SUPT3H: variants seen among roughly 807,000 people sequenced by gnomAD.
SUPT3H encodes the protein SPT3 homolog, SAGA and STAGA complex component.
In SUPT3H, 44 loss-of-function variants were observed where a neutral mutation model predicts 44.3. That is an observed-to-expected ratio of 0.99 (90% CI 0.78 to 1.28). The LOEUF (loss-of-function observed/expected upper bound fraction) is 1.28. SUPT3H is among the 50% of genes most tolerant of loss of function. SUPT3H has a pLI of 0.00. For synonymous variants in SUPT3H, 124 were observed against 125.6 expected, an observed-to-expected ratio of 0.99 and a Z score of 0.09; for missense variants, 380 against 387.1, an observed-to-expected ratio of 0.98 and a Z score of 0.15.
At chr6:45,296,158 TATAC>T (rs1188854224) in intron 2 of SUPT3H, among the ~76,000 whole-genome samples, 4 of 143,540 alleles carry the variant, frequency 2.8e-5, no homozygotes, top group Admixed American at 7.0e-5. Flanking sequence ...CATACACACA[TATAC>T]ATACATATAT....
intron 2 of SUPT3H, among the ~76,000 whole-genome samples, chr6:45,332,016 A>G (rs1787616042): frequency 6.6e-6 from 1 of 151,922 alleles, no homozygotes; most frequent in African/African-American, 2.4e-5. Flanking sequence ...TATCAAACAC[A>G]CAGAATTAAT....
chr6:44,932,403 C>CTA (rs1770723634), intron 10 of SUPT3H, among the ~76,000 whole-genome samples: 1 of 151,984 alleles, frequency 6.6e-6, no homozygotes, highest in Non-Finnish European at 1.5e-5. Flanking sequence ...AAAATAGAAA[C>CTA]TATAAACCTC....
chr6:44,939,001 T>C (rs939599582), intron 9 of SUPT3H, among the ~76,000 whole-genome samples: 2 of 152,220 alleles, frequency 1.3e-5, no homozygotes, highest in Admixed American at 1.3e-4. Context: ...TATAAGATCA[T>C]ATAATCAGCA....
chr6:45,127,614 C>T (rs1205734510), intron 2 of SUPT3H, among the ~76,000 whole-genome samples: 2 of 151,636 alleles, frequency 1.3e-5, no homozygotes, highest in South Asian at 4.2e-4. Context: ...ATGTTTTTTT[C>T]TTCATGTAGC....
At chr6:45,288,543 G>A (rs1395319547) in intron 2 of SUPT3H, among the ~76,000 whole-genome samples, 1 of 47,552 alleles carries the variant, frequency 2.1e-5, no homozygotes, top group East Asian at 5.7e-4. Context: ...GTGTGTGTGT[G>A]TGTGTATATA....
At chr6:44,946,721 G>C (rs1773409358) in intron 9 of SUPT3H, among the ~76,000 whole-genome samples, 1 of 152,194 alleles carries the variant, frequency 6.6e-6, no homozygotes, top group South Asian at 2.1e-4. Context: ...ATCTGTTGAA[G>C]ATGCTGTGAA....
intron 2 of SUPT3H, among the ~76,000 whole-genome samples, chr6:45,178,765 TC>T (rs1812519652): frequency 6.6e-6 from 1 of 152,078 alleles, no homozygotes; most frequent in African/African-American, 2.4e-5. Context: ...AGAATCTCAC[TC>T]AAAAGCGCTC....
intron 2 of SUPT3H, among the ~76,000 whole-genome samples, chr6:45,210,087 T>A (rs541800566): frequency 6.6e-6 from 1 of 152,132 alleles, no homozygotes; most frequent in African/African-American, 2.4e-5. Flanking sequence ...AATTAAGGTA[T>A]GTATACTGCT....
intron 10 of SUPT3H, among the ~76,000 whole-genome samples, chr6:44,891,078 T>C (rs957903758): frequency 6.6e-6 from 1 of 152,054 alleles, no homozygotes; most frequent in Non-Finnish European, 1.5e-5. Flanking sequence ...TGTATACCTA[T>C]GTAACAAACC....
At chr6:45,290,225 A>T (rs1012497187) in intron 2 of SUPT3H, among the ~76,000 whole-genome samples, 20 of 152,182 alleles carry the variant, frequency 1.3e-4, no homozygotes, top group African/African-American at 4.3e-4. Flanking sequence ...CTTTGGACAA[A>T]TTCAATCTAA....
At chr6:45,149,113 T>C (rs577238273) in intron 2 of SUPT3H, among the ~76,000 whole-genome samples, 1 of 152,334 alleles carries the variant, frequency 6.6e-6, no homozygotes, top group Non-Finnish European at 1.5e-5. Flanking sequence ...AGTTGTAACT[T>C]GAAAAATATT....
At chr6:45,195,640 T>G (rs1562663333) in intron 2 of SUPT3H, among the ~76,000 whole-genome samples, 1 of 152,172 alleles carries the variant, frequency 6.6e-6, no homozygotes, top group Non-Finnish European at 1.5e-5. Flanking sequence ...TGTTTTTCAT[T>G]TCTGATTGTT....
intron 3 of SUPT3H, among the ~76,000 whole-genome samples, chr6:45,044,486 C>T (rs1411150): frequency 0.98 from 149,163 of 152,266 alleles, 73,074 homozygotes; most frequent in Middle Eastern, 1. Context: ...ATCTGTAAAT[C>T]ACTTGTAGTC....
chr6:44,866,702 C>T (rs1194658152), intron 10 of SUPT3H, among the ~76,000 whole-genome samples: 1 of 152,116 alleles, frequency 6.6e-6, no homozygotes, highest in East Asian at 1.9e-4. Context: ...GAAATCATTG[C>T]CTCAGCTTAT....
At chr6:44,869,497 C>T (rs751837415) in intron 10 of SUPT3H, among the ~76,000 whole-genome samples, 1 of 150,394 alleles carries the variant, frequency 6.6e-6, no homozygotes, top group Non-Finnish European at 1.5e-5. Context: ...AAAATCAGCA[C>T]GTATGTAGGT....
chr6:44,826,213 T>C (rs138300833), downstream of SUPT3H, among the ~76,000 whole-genome samples: 5 of 152,358 alleles, frequency 3.3e-5, no homozygotes, highest in South Asian at 1.0e-3. Flanking sequence ...GTTTTGTTGT[T>C]TAAGCTTGGC....
chr6:45,334,539 C>G (rs535711334), intron 2 of SUPT3H, among the ~76,000 whole-genome samples: 2 of 149,870 alleles, frequency 1.3e-5, no homozygotes, highest in East Asian at 3.9e-4. Flanking sequence ...TATATGCAGT[C>G]TTTCTTTAGA....
At chr6:44,810,414 T>G (rs1766431995) in intron 11 of SUPT3H, among the ~76,000 whole-genome samples, 2 of 152,336 alleles carry the variant, frequency 1.3e-5, no homozygotes, top group African/African-American at 4.8e-5. Context: ...AGCATTTTTT[T>G]GGTATTAATT....
At chr6:45,221,881 A>G (rs543450111) in intron 2 of SUPT3H, among the ~76,000 whole-genome samples, 1 of 152,288 alleles carries the variant, frequency 6.6e-6, no homozygotes, top group East Asian at 1.9e-4. Context: ...ATTAAAGTCT[A>G]CATATAACTA....
Sources: gnomAD v4.1 joint callset for allele counts (sites outside exome capture counted in the v4.1 genomes callset) on GRCh38, gnomAD v4.1.1 for gene constraint, MANE v1.5 for transcripts, NCBI Gene and HGNC (gene_info 2026-07-23, HGNC 2026-07-21) for gene names.